UBASH3B: variants seen among roughly 807,000 people sequenced by gnomAD.
The protein encoded by UBASH3B is ubiquitin-associated and SH3 domain-containing protein B.
In UBASH3B, 37 loss-of-function variants were observed where a neutral mutation model predicts 83.4. The ratio of observed to expected loss-of-function variants is 0.44; its 90% CI spans 0.34 to 0.58. The LOEUF (loss-of-function observed/expected upper bound fraction) is 0.58. Ranked by LOEUF, UBASH3B falls within the 20% of genes least tolerant of loss-of-function variation. The pLI, the probability that UBASH3B is intolerant of heterozygous loss-of-function variation, is 0.01. For missense variants in UBASH3B, 657 were observed against 827.2 expected, an observed-to-expected ratio of 0.79 and a Z score of 2.52; for synonymous variants, 304 against 318.3, an observed-to-expected ratio of 0.96 and a Z score of 0.48.
At chr11:122,674,001 C>T (rs1180144167) in intron 1 of UBASH3B, among the ~76,000 whole-genome samples, 1 of 151,996 alleles carries the variant, frequency 6.6e-6, no homozygotes, top group African/African-American at 2.4e-5. Context: ...GTTGTTTTTC[C>T]CACACACATT....
At chr11:122,737,972 A>C (rs188153055) in intron 1 of UBASH3B, among the ~76,000 whole-genome samples, 1 of 152,210 alleles carries the variant, frequency 6.6e-6, no homozygotes, top group Non-Finnish European at 1.5e-5. Context: ...GTGCCTGTAG[A>C]GAAGTCAGAG....
At chr11:122,746,621 A>T (rs1013143224) in intron 1 of UBASH3B, among the ~76,000 whole-genome samples, 2 of 152,238 alleles carry the variant, frequency 1.3e-5, no homozygotes, top group Non-Finnish European at 2.9e-5. Flanking sequence ...AAATAATTAG[A>T]GATAAGACTG....
At chr11:122,792,843 T>C (rs1565567901) in intron 6 of UBASH3B, among the ~76,000 whole-genome samples, 1 of 152,120 alleles carries the variant, frequency 6.6e-6, no homozygotes, top group Non-Finnish European at 1.5e-5. Flanking sequence ...TGAGTCACAA[T>C]GTGTGAGGAG....
chr11:122,703,625 T>G (rs1864078046), intron 1 of UBASH3B, among the ~76,000 whole-genome samples: 1 of 152,184 alleles, frequency 6.6e-6, no homozygotes, highest in Non-Finnish European at 1.5e-5. Flanking sequence ...TTTTAGACAT[T>G]GTGAATAAGT....
chr11:122,719,068 A>G (rs1421316697), intron 1 of UBASH3B, among the ~76,000 whole-genome samples: 1 of 152,174 alleles, frequency 6.6e-6, no homozygotes, highest in Non-Finnish European at 1.5e-5. Flanking sequence ...ACTGAGTATT[A>G]CCATGTGATA....
chr11:122,765,087 CTT>C (rs140210194), intron 1 of UBASH3B, among the ~76,000 whole-genome samples: 36 of 146,920 alleles, frequency 2.5e-4, no homozygotes, highest in African/African-American at 7.5e-5. Flanking sequence ...CATAAAAGCC[CTT>C]TTTTTTTTTC....
chr11:122,715,590 A>C (rs1161816841), intron 1 of UBASH3B, among the ~76,000 whole-genome samples: 2 of 152,222 alleles, frequency 1.3e-5, no homozygotes, highest in African/African-American at 2.4e-5. Flanking sequence ...CGGATCCGAA[A>C]GCCCAGTAAT....
rs919351008 is a variant in UBASH3B, at chr11:122,801,237, T to G, written c.1500T>G (p.Phe500Leu). The G allele has an allele frequency of 6.2e-7, 1 of 1,611,080 alleles. No homozygotes were observed. Among genetic ancestry groups the G allele is most frequent in the Non-Finnish European group, 8.5e-7 (1 of 1,178,858 alleles). ...AGATCCGTGTAGAGCCCGGCTTATT[T>G]GAGTGGACAAAATGGGTTGCTGGGA... ...HLKIRVEPGLFEWTKWVAGST... is the reference protein window; with the variant it reads ...HLKIRVEPGLLEWTKWVAGST... Residue 500 changes from phenylalanine to leucine, a missense_variant, in exon 11 of 14, where the codon TTT becomes TTG. Phe to Leu is a conservative substitution (Grantham distance 22). Around this residue, in one of 3 missense-constraint regions of UBASH3B, gnomAD observed 573 missense variants for 739.0 expected, o/e 0.78. Coordinates refer to ENST00000284273, the MANE Select transcript of UBASH3B (RefSeq NM_032873.5).
intron 11 of UBASH3B, among the ~76,000 whole-genome samples, chr11:122,801,595 A>G (rs1422796968): frequency 6.6e-6 from 1 of 152,228 alleles, no homozygotes; most frequent in Non-Finnish European, 1.5e-5. Flanking sequence ...TTTCAGTGTA[A>G]TAAAACCATT....
At chr11:122,766,393 A>G (rs1001509527) in intron 1 of UBASH3B, among the ~76,000 whole-genome samples, 1 of 152,128 alleles carries the variant, frequency 6.6e-6, no homozygotes, top group African/African-American at 2.4e-5. Flanking sequence ...ACTACACAAA[A>G]AATTAGCCAG....
chr11:122,800,643 C>G (rs778323997), intron 10 of UBASH3B, among the ~76,000 whole-genome samples: 59 of 152,088 alleles, frequency 3.9e-4, no homozygotes, highest in African/African-American at 1.0e-3. Context: ...GAATCTCGCT[C>G]TGTCACCAAG....
chr11:122,716,109 A>G (rs1468192321), intron 1 of UBASH3B, among the ~76,000 whole-genome samples: 1 of 152,214 alleles, frequency 6.6e-6, no homozygotes, highest in Non-Finnish European at 1.5e-5. Flanking sequence ...GGGGGCAGAA[A>G]AACTGCACGG....
At chr11:122,703,285 G>C (rs983026088) in intron 1 of UBASH3B, among the ~76,000 whole-genome samples, 1 of 152,052 alleles carries the variant, frequency 6.6e-6, no homozygotes, top group Non-Finnish European at 1.5e-5. Context: ...AAATTAGCCA[G>C]GCGTGGTGGT....
intron 1 of UBASH3B, among the ~76,000 whole-genome samples, chr11:122,764,571 A>G (rs961769333): frequency 5.9e-5 from 9 of 152,234 alleles, no homozygotes; most frequent in African/African-American, 2.2e-4. Context: ...GCTCTTAGCT[A>G]TTCCCCCAAG....
chr11:122,718,482 A>G (rs1287474927), intron 1 of UBASH3B, among the ~76,000 whole-genome samples: 1 of 152,124 alleles, frequency 6.6e-6, no homozygotes, highest in Non-Finnish European at 1.5e-5. Flanking sequence ...GACCTTGGGC[A>G]AGTTATTGAA....
intron 1 of UBASH3B, among the ~76,000 whole-genome samples, chr11:122,682,279 C>A (rs1273400707): frequency 6.6e-6 from 1 of 152,214 alleles, no homozygotes; most frequent in African/African-American, 2.4e-5. Context: ...AGACACAAGT[C>A]TGACCCACGG....
intron 1 of UBASH3B, among the ~76,000 whole-genome samples, chr11:122,658,793 T>C (rs140318726): frequency 6.6e-6 from 1 of 152,324 alleles, no homozygotes; most frequent in Non-Finnish European, 1.5e-5. Context: ...AATCGTGAAG[T>C]GTTAGTTACT....
At chr11:122,669,623 A>T (rs1863564422) in intron 1 of UBASH3B, among the ~76,000 whole-genome samples, 1 of 152,152 alleles carries the variant, frequency 6.6e-6, no homozygotes, top group South Asian at 2.1e-4. Flanking sequence ...TCTGTTACTA[A>T]CTTGTCACCC....
intron 1 of UBASH3B, among the ~76,000 whole-genome samples, chr11:122,675,936 TCC>T (rs910234919): frequency 3.1e-4 from 47 of 152,268 alleles, no homozygotes; most frequent in African/African-American, 9.6e-4. Context: ...CTTTTCCCAA[TCC>T]TGAGGAAAGT....
Sources: allele counts gnomAD v4.1 joint callset (sites outside exome capture counted in the v4.1 genomes callset), GRCh38; gene constraint gnomAD v4.1.1; regional missense constraint gnomAD v4.1.1; transcripts MANE v1.5; gene names NCBI Gene and HGNC (gene_info 2026-07-23, HGNC 2026-07-21).